The following HDAC9 variants were observed in gnomAD, a reference collection of about 807,000 sequenced individuals.
HDAC9 encodes histone deacetylase 9, also known as MEF-2 interacting transcription repressor (MITR) protein.
In HDAC9, 41 loss-of-function variants were observed where a neutral mutation model predicts 139.4. That is an observed-to-expected ratio of 0.29 (90% CI 0.23 to 0.38). HDAC9 has a LOEUF of 0.38. Ranked by LOEUF, HDAC9 falls within the 10% of genes least tolerant of loss-of-function variation. The pLI, the probability that HDAC9 is intolerant of heterozygous loss-of-function variation, is 1.00. For missense variants in HDAC9, 1,147 were observed against 1,297.0 expected (o/e 0.88, Z 1.78); for synonymous variants, 517 against 476.2 (o/e 1.09, Z -1.12).
intron 1 of HDAC9, among the ~76,000 whole-genome samples, chr7:18,412,025 A>T (rs1049314909): frequency 2.0e-5 from 3 of 151,260 alleles, no homozygotes; most frequent in Non-Finnish European, 4.4e-5. Flanking sequence ...AAGGGGTTTC[A>T]CTGTGTTGGC....
At chr7:18,193,562 A>G (rs1223279290) in intron 2 of HDAC9, among the ~76,000 whole-genome samples, 2 of 152,198 alleles carry the variant, frequency 1.3e-5, no homozygotes, top group African/African-American at 4.8e-5. Flanking sequence ...GAAATCTGTT[A>G]TGCCTTATCT....
intron 22 of HDAC9, among the ~76,000 whole-genome samples, chr7:18,924,939 G>T (rs1314275706): frequency 3.9e-5 from 6 of 152,106 alleles, no homozygotes; most frequent in Admixed American, 1.3e-4. Flanking sequence ...GTACTGCCAT[G>T]AATTAATGCT....
At chr7:18,955,748 C>T (rs1002503425) in intron 24 of HDAC9, among the ~76,000 whole-genome samples, 8 of 152,096 alleles carry the variant, frequency 5.3e-5, no homozygotes, top group South Asian at 2.1e-4. Flanking sequence ...TCTGTTTCTT[C>T]AGTCCCTTTC....
intron 1 of HDAC9, among the ~76,000 whole-genome samples, chr7:18,438,049 ATAT>A (rs1791379490): frequency 6.6e-6 from 1 of 150,802 alleles, no homozygotes; most frequent in Non-Finnish European, 1.5e-5. Context: ...TATACACTTT[ATAT>A]AAAGTGGTAT....
At chr7:18,366,932 G>T (rs1784228166) in intron 1 of HDAC9, among the ~76,000 whole-genome samples, 1 of 152,008 alleles carries the variant, frequency 6.6e-6, no homozygotes, top group African/African-American at 2.4e-5. Context: ...GATGAAGTAT[G>T]CCTATTAAAA....
At chr7:18,374,394 A>G (rs989562689) in intron 1 of HDAC9, among the ~76,000 whole-genome samples, 3 of 152,030 alleles carry the variant, frequency 2.0e-5, no homozygotes, top group Non-Finnish European at 2.9e-5. Context: ...AACATCTTAG[A>G]GAGCACTTAC....
At chr7:18,379,003 T>A (rs756761062) in intron 1 of HDAC9, among the ~76,000 whole-genome samples, 1 of 152,178 alleles carries the variant, frequency 6.6e-6, no homozygotes. Context: ...TTTTAGAAGA[T>A]TTATACCTAA....
rs556906506 is a variant in HDAC9 at position 18,109,245 on chromosome 7, C to T, written c.-97+22032C>T. Among the ~76,000 whole-genome samples the T allele has an allele frequency of 1.5e-3, 229 of 152,288 alleles. 1 individual carries two copies. The highest frequency in any genetic ancestry group is 2.4e-3 in the Non-Finnish European group (160 of 68,020). On this transcript the variant is annotated intron_variant, in intron 1 of 12. Transcript: ENST00000417496. ...AGAACCACTCAGTACCCAGGTTAAG[C>T]ATTTTTTCCCCCTTAACTACAAATT...
At chr7:18,155,338 A>G (rs1787109743) in intron 1 of HDAC9, among the ~76,000 whole-genome samples, 1 of 152,140 alleles carries the variant, frequency 6.6e-6, no homozygotes. Context: ...TGGGTTGGGT[A>G]CTGGATACCC....
chr7:18,770,168 G>T (rs886187969), intron 16 of HDAC9, among the ~76,000 whole-genome samples: 2 of 152,100 alleles, frequency 1.3e-5, no homozygotes, highest in African/African-American at 4.8e-5. Flanking sequence ...TATTTAAGGT[G>T]CTGTGAAATG....
rs1207190895 is a variant in HDAC9 at position 18,234,770 on chromosome 7, A to G, written c.25+72421A>G. Among the ~76,000 whole-genome samples the G allele has an allele frequency of 1.1e-4, 17 of 152,330 alleles. No individual in the cohort carries two copies. In the East Asian group the frequency reaches 3.3e-3, roughly 29 times the overall value. On this transcript the variant is annotated intron_variant, in intron 2 of 12. Coordinates refer to the HDAC9 transcript ENST00000417496. ...AGAGATAGTGGAACAAAATCCCTCC[A>G]TTTGAGAAACCACAGAAGTAAGTTT...
intron 1 of HDAC9, among the ~76,000 whole-genome samples, chr7:18,406,427 C>T (rs1192791311): frequency 7.9e-5 from 12 of 151,622 alleles, no homozygotes; most frequent in Non-Finnish European, 2.9e-5. Flanking sequence ...GAGTCTCGCT[C>T]TGTCGCCCGG....
chr7:18,716,023 T>G (rs4721722), intron 12 of HDAC9, among the ~76,000 whole-genome samples: 13 of 152,176 alleles, frequency 8.5e-5, no homozygotes, highest in Admixed American at 7.9e-4. Context: ...GTCATGTCTC[T>G]CGTTATGATA....
chr7:18,969,836 T>G (rs1784134099), intron 24 of HDAC9, among the ~76,000 whole-genome samples: 1 of 152,188 alleles, frequency 6.6e-6, no homozygotes, highest in Non-Finnish European at 1.5e-5. Context: ...GAAAACTTTT[T>G]GACATTTAAC....
intron 18 of HDAC9, 40 bp downstream of exon 18, chr7:18,829,256 G>A: frequency 5.4e-6 from 8 of 1,493,982 alleles, no homozygotes; most frequent in African/African-American, 4.1e-5. Context: ...AAGCACCACG[G>A]TTCCTGGCGG....
chr7:18,720,577 A>C lies in HDAC9; in HGVS notation c.1732-7003A>C, dbSNP rs114034779. On this transcript the variant is annotated intron_variant, in intron 12 of 25. Coordinates refer to ENST00000686413, the MANE Select transcript of HDAC9 (RefSeq NM_178425.4). Reference sequence around the variant, plus strand: ...TTTCATAGTTGGTACAGATTAATGTATATCTTATGAATATATGACCTGAAA... The same window carrying C: ...TTTCATAGTTGGTACAGATTAATGTCTATCTTATGAATATATGACCTGAAA... Among the ~76,000 whole-genome samples, 538 of 151,794 alleles carry C rather than the reference A, an allele frequency of 3.5e-3. 7 individuals are homozygous for C. The highest frequency in any genetic ancestry group is 0.012 in the African/African-American group (511 of 41,464).
intron 12 of HDAC9, among the ~76,000 whole-genome samples, chr7:18,689,155 AC>A (rs11325618): frequency 0.27 from 41,464 of 151,668 alleles, 7,380 homozygotes; most frequent in East Asian, 0.52. Context: ...GTTGCTAGAG[AC>A]TGGCCTAACC....
intron 22 of HDAC9, among the ~76,000 whole-genome samples, chr7:18,919,854 A>G (rs957399660): frequency 4.6e-5 from 7 of 152,108 alleles, no homozygotes; most frequent in Non-Finnish European, 8.8e-5. Context: ...CCATGGGTCT[A>G]TATCTCTGTT....
At chr7:18,336,366 C>G (rs540348604) in intron 1 of HDAC9, among the ~76,000 whole-genome samples, 11 of 151,720 alleles carry the variant, frequency 7.3e-5, no homozygotes, top group African/African-American at 1.2e-4. Flanking sequence ...CATTCAACCA[C>G]TGACCCAAAT....
Sources: allele counts gnomAD v4.1 joint callset (sites outside exome capture counted in the v4.1 genomes callset), GRCh38; gene constraint gnomAD v4.1.1; transcripts MANE v1.5; gene names NCBI Gene and HGNC (gene_info 2026-07-23, HGNC 2026-07-21).